The following SNX29 variants were observed in gnomAD, a reference collection of about 807,000 sequenced individuals.
The protein encoded by SNX29 is sorting nexin 29.
Under a neutral mutation model 102.1 loss-of-function variants are expected in SNX29, and 78 were observed. The observed-to-expected ratio is 0.76, with a 90% CI of 0.64 to 0.92. The LOEUF is 0.92. SNX29 is among the 40% of genes least tolerant of loss of function. The pLI, the probability that SNX29 is intolerant of heterozygous loss-of-function variation, is 0.00. For synonymous variants in SNX29, 580 were observed against 414.5 expected, an observed-to-expected ratio of 1.40 and a Z score of -4.85; for missense variants, 1,280 against 1,061.7, an observed-to-expected ratio of 1.21 and a Z score of -2.86.
chr16:12,055,865 A>G (rs1219086330), intron 8 of SNX29, among the ~76,000 whole-genome samples: 1 of 152,166 alleles, frequency 6.6e-6, no homozygotes, highest in Non-Finnish European at 1.5e-5. Context: ...GACACATACA[A>G]TTAACCCTCA....
intron 15 of SNX29, among the ~76,000 whole-genome samples, chr16:12,337,642 A>T (rs2081491756): frequency 6.6e-6 from 1 of 152,186 alleles, no homozygotes. Flanking sequence ...TCACCTAGTC[A>T]CATATCTCAC....
chr16:12,551,755 C>T (rs906931955), intron 20 of SNX29, among the ~76,000 whole-genome samples: 1 of 152,338 alleles, frequency 6.6e-6, no homozygotes, highest in South Asian at 2.1e-4. Context: ...TCCTGGCTGC[C>T]TTGTACACAT....
At chr16:12,549,845 C>T (rs540600276) in intron 20 of SNX29, among the ~76,000 whole-genome samples, 3 of 152,362 alleles carry the variant, frequency 2.0e-5, no homozygotes, top group Admixed American at 2.0e-4. Flanking sequence ...TCCTTGGCCG[C>T]ATGACTGTGG....
chr16:12,333,404 C>T (rs1374672787), intron 15 of SNX29, among the ~76,000 whole-genome samples: 3 of 152,044 alleles, frequency 2.0e-5, no homozygotes, highest in African/African-American at 4.8e-5. Flanking sequence ...CGCACCTGGC[C>T]GCAATCAGTT....
chr16:12,253,732 C>T (rs953694642), intron 14 of SNX29, among the ~76,000 whole-genome samples: 4 of 151,980 alleles, frequency 2.6e-5, no homozygotes, highest in African/African-American at 7.2e-5. Flanking sequence ...GGAGGCTGGC[C>T]GCAGGTGGGA....
chr16:12,254,427 A>T (rs1364126103), intron 14 of SNX29, among the ~76,000 whole-genome samples: 4 of 152,258 alleles, frequency 2.6e-5, no homozygotes, highest in Admixed American at 6.5e-5. Context: ...AGGCGGGCAG[A>T]TCACTTGGGG....
intron 14 of SNX29, among the ~76,000 whole-genome samples, chr16:12,209,149 G>A (rs34908925): frequency 8.7e-4 from 133 of 152,320 alleles, no homozygotes; most frequent in African/African-American, 3.2e-3. Context: ...GGGGCAAGCA[G>A]GTATTCCCTG....
intron 20 of SNX29, among the ~76,000 whole-genome samples, chr16:12,541,428 G>A (rs1400152000): frequency 2.0e-5 from 3 of 152,156 alleles, no homozygotes; most frequent in Non-Finnish European, 4.4e-5. Context: ...CTCATGGAAG[G>A]TCATCAATGT....
intron 15 of SNX29, among the ~76,000 whole-genome samples, chr16:12,318,779 T>C (rs551669035): frequency 6.6e-6 from 1 of 152,098 alleles, no homozygotes; most frequent in African/African-American, 2.4e-5. Context: ...TTACAAAGTT[T>C]CCCGGAGCTT....
At chr16:11,983,363 T>C (rs908021297) in intron 1 of SNX29, among the ~76,000 whole-genome samples, 4 of 151,560 alleles carry the variant, frequency 2.6e-5, no homozygotes, top group Non-Finnish European at 5.9e-5. Context: ...TGTGAGCCAC[T>C]GTGCCCAGCT....
At position 12,069,263 on chromosome 16, in the gene SNX29, T is replaced by C. The variant is rs1268409205; in HGVS notation, c.1319+131T>C. The C allele has an allele frequency of 4.1e-6, 3 of 739,898 alleles. No individual in the cohort carries two copies. In the Admixed American group the frequency reaches 9.1e-5, roughly 22 times the overall value. The allele number at this position is 739,898 out of a possible 1,614,324, so 45.8% of individuals were successfully genotyped here. Reference sequence around the variant, plus strand: ...GCAAGGGTTTACTTCACATTTATGTTCAGATTTAGTCTTTTTTTTTGAGAT... The same window carrying C: ...GCAAGGGTTTACTTCACATTTATGTCCAGATTTAGTCTTTTTTTTTGAGAT... On this transcript the variant is annotated intron_variant, in intron 10 of 20. Coordinates refer to ENST00000566228, the MANE Select transcript of SNX29 (RefSeq NM_032167.5).
At chr16:12,311,658 G>A (rs550536761) in intron 15 of SNX29, among the ~76,000 whole-genome samples, 1 of 152,322 alleles carries the variant, frequency 6.6e-6, no homozygotes, top group South Asian at 2.1e-4. Flanking sequence ...CCTTCACCCG[G>A]CTTATTTCCT....
At chr16:12,526,830 A>G in intron 20 of SNX29, 1 of 404,522 alleles carries the variant, frequency 2.5e-6, no homozygotes, top group East Asian at 4.3e-5. Context: ...AGTGTTTCCC[A>G]AACATTCGCG....
chr16:11,988,159 T>G (rs956049750), intron 1 of SNX29, among the ~76,000 whole-genome samples: 4 of 152,022 alleles, frequency 2.6e-5, no homozygotes, highest in Non-Finnish European at 5.9e-5. Context: ...CTGGGTGTGG[T>G]GGCGGGTGCC....
At chr16:12,396,947 C>A (rs965589500) in intron 16 of SNX29, among the ~76,000 whole-genome samples, 4 of 152,198 alleles carry the variant, frequency 2.6e-5, no homozygotes, top group African/African-American at 9.7e-5. Flanking sequence ...TGCTCTGTCA[C>A]CCAGGTTAGG....
At chr16:12,424,804 A>C (rs1255428797) in intron 18 of SNX29, among the ~76,000 whole-genome samples, 2 of 152,184 alleles carry the variant, frequency 1.3e-5, no homozygotes, top group African/African-American at 2.4e-5. Flanking sequence ...TGGATCAGAC[A>C]CTGTGTTAAG....
At chr16:12,462,641 A>G (rs768980166) in intron 18 of SNX29, among the ~76,000 whole-genome samples, 20 of 152,164 alleles carry the variant, frequency 1.3e-4, no homozygotes, top group Non-Finnish European at 2.1e-4. Flanking sequence ...TCAATATATC[A>G]TAAGCAGTGT....
intron 20 of SNX29, among the ~76,000 whole-genome samples, chr16:12,566,675 G>A (rs1300659328): frequency 7.3e-6 from 1 of 136,336 alleles, no homozygotes; most frequent in Admixed American, 7.6e-5. Flanking sequence ...AGCATTCAGG[G>A]ATAAAGAGGC....
chr16:12,254,757 T>G (rs1026836043), intron 14 of SNX29, among the ~76,000 whole-genome samples: 5 of 152,132 alleles, frequency 3.3e-5, no homozygotes, highest in Admixed American at 6.5e-5. Flanking sequence ...GTGTTGTGGC[T>G]GCCGATGGGG....
Sources: allele counts gnomAD v4.1 joint callset (sites outside exome capture counted in the v4.1 genomes callset), GRCh38; gene constraint gnomAD v4.1.1; transcripts MANE v1.5; gene names NCBI Gene and HGNC (gene_info 2026-07-23, HGNC 2026-07-21).